Variants in ARMH1 observed in about 807,000 individuals in gnomAD.
The protein encoded by ARMH1 is armadillo-like helical domain containing protein 1.
ARMH1 carries 34 observed loss-of-function variants against 50.2 expected under a neutral mutation model. The ratio of observed to expected loss-of-function variants is 0.68; its 90% CI spans 0.51 to 0.90. ARMH1 has a LOEUF of 0.90. Ranked by LOEUF, ARMH1 falls within the 40% of genes least tolerant of loss-of-function variation. The pLI is 0.00. For missense variants in ARMH1, 538 were observed against 553.9 expected (o/e 0.97, Z 0.29); for synonymous variants, 221 against 224.2 (o/e 0.99, Z 0.13).
Position 44,724,485 on chromosome 1 carries a change from G to C in ARMH1, c.921-54G>C. 1 of 1,513,040 alleles carries C rather than the reference G, an allele frequency of 6.6e-7. No homozygotes were observed. Among genetic ancestry groups the C allele is most frequent in the Non-Finnish European group, 8.8e-7 (1 of 1,133,738 alleles). The allele number at this position is 1,513,040 out of a possible 1,614,324, so 93.7% of individuals were successfully genotyped here. ...GCGCTCCGTGCGCCGGGTGGGCGGG[G>C]GTGTGCGCCGGGTGAGCCCCAGGGC... On this transcript the variant is annotated intron_variant, in intron 8 of 11. Transcript: ENST00000535358. This position sits in a 1 kb window ranked among gnomAD's most constrained non-coding sequence, Gnocchi z 6.4.
At chr1:44,695,153 G>C (rs1182180875) in intron 2 of ARMH1, among the ~76,000 whole-genome samples, 1 of 152,206 alleles carries the variant, frequency 6.6e-6, no homozygotes, top group Non-Finnish European at 1.5e-5. Context: ...TAGAATCCTA[G>C]TCAGACTGCC....
At chr1:44,722,142 G>A (rs1647347255) in intron 6 of ARMH1, among the ~76,000 whole-genome samples, 1 of 152,188 alleles carries the variant, frequency 6.6e-6, no homozygotes, top group African/African-American at 2.4e-5. Context: ...GCTGAGCGCC[G>A]GAACAAGAGT....
intron 2 of ARMH1, chr1:44,692,884 A>T (rs1645703909): frequency 6.6e-6 from 1 of 151,912 alleles, no homozygotes. Context: ...ATAGGCGTGC[A>T]CCACCACACT....
In ARMH1 at chr1:44,724,452, C is replaced by G. The variant is rs967358245; in HGVS notation, c.920+60C>G. 6.5e-7 allele frequency: 1 copy of G among 1,528,846 alleles called. No individual in the cohort carries two copies. The highest frequency in any genetic ancestry group is 1.4e-5 in the African/African-American group (1 of 72,078). The allele number at this position is 1,528,846 out of a possible 1,614,324, so 94.7% of individuals were successfully genotyped here. A position where few individuals can be genotyped will look rare whatever the true frequency, so the allele number is the denominator to read the frequency against. On this transcript the variant is annotated intron_variant, in intron 8 of 11. Transcript: ENST00000535358. This position sits in a 1 kb window ranked among gnomAD's most constrained non-coding sequence, Gnocchi z 6.4. ...AGCCTGGCTTGGCGCTGCCGGCGGG[C>G]CCCGGGAGCGCTCCGTGCGCCGGGT...
chr1:44,691,272 A>T (rs1192140843), intron 2 of ARMH1, among the ~76,000 whole-genome samples: 1 of 151,834 alleles, frequency 6.6e-6, no homozygotes, highest in Non-Finnish European at 1.5e-5. Context: ...CATTTTTTAA[A>T]AATTATAAAA....
chr1:44,720,197 C>CAAAAAAA (rs35873369), intron 6 of ARMH1, among the ~76,000 whole-genome samples: 1 of 69,204 alleles, frequency 1.4e-5, no homozygotes, highest in African/African-American at 5.0e-5. Flanking sequence ...AACTCTGTCT[C>CAAAAAAA]AAAAAAAAAA....
chr1:44,701,284 G>A (rs535195471), intron 5 of ARMH1, among the ~76,000 whole-genome samples, 165 bp downstream of exon 5: 1 of 152,342 alleles, frequency 6.6e-6, no homozygotes, highest in East Asian at 1.9e-4. Flanking sequence ...GTAGGGCAGA[G>A]AGTTCATGCC....
chr1:44,704,244 A>T, intron 6 of ARMH1, 71 bp downstream of exon 6: 2 of 1,127,576 alleles, frequency 1.8e-6, no homozygotes, highest in Non-Finnish European at 1.3e-6. Context: ...GCTTTCTCTT[A>T]GTCACAAAGA....
At chr1:44,704,834 CTTTT>C (rs34632415) in intron 6 of ARMH1, among the ~76,000 whole-genome samples, 1 of 124,342 alleles carries the variant, frequency 8.0e-6, no homozygotes, top group African/African-American at 3.0e-5. Flanking sequence ...TTATTGAGAA[CTTTT>C]TTTTTTTTTT....
intron 2 of ARMH1, among the ~76,000 whole-genome samples, chr1:44,691,025 C>T (rs1573327651): frequency 1.3e-5 from 2 of 151,080 alleles, no homozygotes; most frequent in Non-Finnish European, 2.9e-5. Context: ...TTTGGGAGGC[C>T]GAGGTGGGCG....
At chr1:44,716,815 A>C (rs931439105) in intron 6 of ARMH1, among the ~76,000 whole-genome samples, 3 of 151,938 alleles carry the variant, frequency 2.0e-5, no homozygotes, top group African/African-American at 7.2e-5. Context: ...TTAGTGGTGA[A>C]GAATATGGGA....
At chr1:44,721,718 G>A (rs538779732) in intron 6 of ARMH1, 7 of 152,110 alleles carry the variant, frequency 4.6e-5, no homozygotes, top group African/African-American at 7.2e-5. Flanking sequence ...GACATTTGTG[G>A]AGCTACCCCA....
chr1:44,725,494 C>T lies in ARMH1; in HGVS notation c.*91C>T. 7.8e-7 allele frequency: 1 copy of T among 1,288,852 alleles called. No homozygotes were observed. The highest frequency in any genetic ancestry group is 2.5e-5 in the East Asian group (1 of 39,684). 79.8% of individuals were successfully genotyped at this position (1,288,852 alleles called of 1,614,324 possible). On this transcript the variant is annotated 3_prime_UTR_variant, in exon 12 of 12. Transcript: ENST00000535358. ...CCTGGGGTCAAGCTCAGAGCCACTC[C>T]ACTTGGCTCCAGGGGGGAGACGGGG...
In ARMH1 at chr1:44,724,428, G is replaced by A. The variant is rs1447326079; in HGVS notation, c.920+36G>A. Reference sequence around the variant, plus strand: ...AGGGGTTAGTGGGTAGCTGCAGCAAGCCTGGCTTGGCGCTGCCGGCGGGCC... The same window carrying A: ...AGGGGTTAGTGGGTAGCTGCAGCAAACCTGGCTTGGCGCTGCCGGCGGGCC... On this transcript the variant is annotated intron_variant, in intron 8 of 11. Coordinates refer to ENST00000535358, the MANE Select transcript of ARMH1 (RefSeq NM_001145636.2). This position sits in a 1 kb window ranked among gnomAD's most constrained non-coding sequence, Gnocchi z 6.4. The A allele has an allele frequency of 1.8e-5, 28 of 1,542,754 alleles. No individual in the cohort carries two copies. The highest frequency in any genetic ancestry group is 2.4e-5 in the Non-Finnish European group (28 of 1,144,790).
chr1:44,705,446 T>C (rs565852706), intron 6 of ARMH1, among the ~76,000 whole-genome samples: 1 of 151,256 alleles, frequency 6.6e-6, no homozygotes, highest in South Asian at 2.1e-4. Context: ...TGAGCCGAGA[T>C]CTCGCCACTG....
At chr1:44,697,919 CCACACTCGTAT>C in intron 3 of ARMH1, 133 bp from the exon 4 acceptor site, 1 of 554,268 alleles carries the variant, frequency 1.8e-6, no homozygotes, top group African/African-American at 1.9e-5. Context: ...GGAAGAATTT[CCACACTCGTAT>C]CACTTTACCT....
Position 44,701,053 on chromosome 1 carries a change from AGCTTT to A in ARMH1, c.577_581del (p.Leu193AlafsTer47), listed in dbSNP as rs1176503229. The A allele has an allele frequency of 6.4e-7, 1 of 1,551,672 alleles. No homozygotes were observed. Among genetic ancestry groups the A allele is most frequent in the Non-Finnish European group, 8.7e-7 (1 of 1,147,024 alleles). ...AAAATCAAGTGTATAAAGGTCTAAT[AGCTTT>A]GCTGCCCTGCGAGTCCCCAAAAGCC... On this transcript the variant is annotated frameshift_variant, in exon 5 of 12. Coordinates refer to ENST00000535358, the MANE Select transcript of ARMH1 (RefSeq NM_001145636.2). LOFTEE classifies it high-confidence loss of function.
intron 1 of ARMH1, among the ~76,000 whole-genome samples, chr1:44,677,270 C>T (rs993518944): frequency 3.3e-5 from 5 of 152,318 alleles, no homozygotes; most frequent in East Asian, 3.9e-4. Context: ...CATTAATTTT[C>T]GGAAGCAGCA....
At chr1:44,722,427 C>T (rs996506992) in intron 6 of ARMH1, among the ~76,000 whole-genome samples, 2 of 152,038 alleles carry the variant, frequency 1.3e-5, no homozygotes, top group African/African-American at 4.8e-5. Flanking sequence ...AAAGTCCAGG[C>T]GTGGTGGCTC....
Sources: allele counts gnomAD v4.1 joint callset (sites outside exome capture counted in the v4.1 genomes callset), GRCh38; gene constraint gnomAD v4.1.1; non-coding constraint Gnocchi (gnomAD v3.1); transcripts MANE v1.5; gene names NCBI Gene and HGNC (gene_info 2026-07-23, HGNC 2026-07-21).